RASGRP4: variants seen among roughly 807,000 people sequenced by gnomAD.
RASGRP4 encodes RAS guanyl-releasing protein 4.
RASGRP4 carries 52 observed loss-of-function variants against 84.4 expected under a neutral mutation model. The observed-to-expected ratio is 0.62, with a 90% CI of 0.49 to 0.78. RASGRP4 has a LOEUF of 0.78. Ranked by LOEUF, RASGRP4 falls within the 30% of genes least tolerant of loss-of-function variation. The probability of loss-of-function intolerance (pLI) is 0.00; values close to 1 mark genes in which losing one functional copy is unlikely to be tolerated. For missense variants in RASGRP4, 760 were observed against 886.9 expected (o/e 0.86, Z 1.82); for synonymous variants, 356 against 359.1 (o/e 0.99, Z 0.10).
Position 38,411,180 on chromosome 19 carries a change from G to T in RASGRP4, c.1787C>A (p.Ala596Asp), listed in dbSNP as rs757406841. The stretch of plus-strand genomic sequence containing the variant: ...TCCGGGGGGTCCTGCATCGCCCTTG[G>T]CCCCTGGCCTCTTCTTACATTCTAC... ...VKVECKKRPG[A>D]KGDAGPPGAP... The change falls in exon 15 of 17, where the codon GCC becomes GAC. Residue 596 changes from alanine (A) to aspartate (D), a missense_variant. Physicochemically the swap from Ala to Asp is moderately radical, Grantham distance 126. Transcript: ENST00000615439. The T allele has an allele frequency of 6.2e-7, 1 of 1,613,910 alleles. No individual in the cohort carries two copies. The highest frequency in any genetic ancestry group is 1.1e-5 in the South Asian group (1 of 91,086).
chr19:38,419,678 C>T (rs1329269425), intron 6 of RASGRP4, among the ~76,000 whole-genome samples, 182 bp downstream of exon 6: 1 of 152,240 alleles, frequency 6.6e-6, no homozygotes. Context: ...AGGCGATCTG[C>T]CTGCCTTGGC....
Position 38,413,366 on chromosome 19 carries a change from G to T in RASGRP4, c.1311+28C>A. On this transcript the variant is annotated intron_variant, in intron 10 of 16. Transcript: ENST00000615439. The surrounding 1 kb of genome is among the most constrained non-coding windows in gnomAD (Gnocchi z 4.7). ...TAGGGGGGGTTCGAGGTAATTGGGG[G>T]AGTCCGAGGCCAGGGGTTGGGTCTC... The T allele has an allele frequency of 6.2e-7, 1 of 1,606,306 alleles. No individual in the cohort carries two copies. The highest frequency in any genetic ancestry group is 1.7e-5 in the Admixed American group (1 of 59,100).
chr19:38,411,421 AGGGAG>A (rs1416681709), intron 13 of RASGRP4, 40 bp from the exon 14 acceptor site: 1 of 1,497,212 alleles, frequency 6.7e-7, no homozygotes, highest in Non-Finnish European at 9.0e-7. Flanking sequence ...ATCCTAGGAG[AGGGAG>A]GGCTGTGGAT....
At chr19:38,421,699 G>A (rs866310461) in intron 2 of RASGRP4, among the ~76,000 whole-genome samples, 7 of 150,922 alleles carry the variant, frequency 4.6e-5, no homozygotes, top group African/African-American at 1.7e-4. Context: ...GTAACAGAGC[G>A]AGACTCTGTC....
At position 38,409,851 on chromosome 19, in the gene RASGRP4, A is replaced by G. The variant is rs2145185652; in HGVS notation, c.*189T>C. The G allele has an allele frequency of 1.8e-6, 1 of 549,910 alleles. No individual in the cohort carries two copies. The highest frequency in any genetic ancestry group is 3.3e-6 in the Non-Finnish European group (1 of 305,644). 34.1% of individuals were successfully genotyped at this position (549,910 alleles called of 1,614,324 possible). A position where few individuals can be genotyped will look rare whatever the true frequency, so the allele number is the denominator to read the frequency against. ...TGCAGGGAAAGGGAGCAGGATTAGC[A>G]TCCACCAGGATGCAAAAGAGGAAAG... On this transcript the variant is annotated 3_prime_UTR_variant, in exon 17 of 17. Transcript: ENST00000615439.
At position 38,411,099 on chromosome 19, in the gene RASGRP4, G is replaced by A. The variant is rs1269372223; in HGVS notation, c.1852+16C>T. ...CCCCAGGCCCCTTCCCAGCACCGGT[G>A]TGCTCTAGGTCTTACCACAGCTGGC... is the stretch of plus-strand genomic sequence containing the variant. On this transcript the variant is annotated intron_variant, in intron 15 of 16. Transcript: ENST00000615439. The A allele has an allele frequency of 4.3e-6, 7 of 1,610,930 alleles. No individual in the cohort carries two copies. The highest frequency in any genetic ancestry group is 2.2e-5 in the East Asian group (1 of 44,800).
chr19:38,409,990 C>G lies in RASGRP4; in HGVS notation c.*50G>C. 6.6e-7 allele frequency: 1 copy of G among 1,523,210 alleles called. No homozygotes were observed. 94.4% of individuals were successfully genotyped at this position (1,523,210 alleles called of 1,614,324 possible). On this transcript the variant is annotated 3_prime_UTR_variant, in exon 17 of 17. Transcript: ENST00000615439. The stretch of plus-strand genomic sequence containing the variant: ...CCTGCCAGAGTCTGACGGCAGGACT[C>G]AGGACTGACTGGGGGAAGGGAGTGA...
rs1208450550 is a variant in RASGRP4, at chr19:38,409,916, G to T, written c.*124C>A. On this transcript the variant is annotated 3_prime_UTR_variant, in exon 17 of 17. Transcript: ENST00000615439. ...AAAGATGACGGACGTACCACTAAAG[G>T]CAGTGTGGATGGGAAGGCGGATGCC... 3 of 654,868 alleles carry T rather than the reference G, an allele frequency of 4.6e-6. No individual in the cohort carries two copies. The highest frequency in any genetic ancestry group is 8.0e-6 in the Non-Finnish European group (3 of 373,918). 40.6% of individuals were successfully genotyped at this position (654,868 alleles called of 1,614,324 possible).
In RASGRP4 at chr19:38,421,698, C is replaced by T. The variant is rs190925626; in HGVS notation, c.208+271G>A. On this transcript the variant is annotated intron_variant, in intron 2 of 16. Coordinates refer to ENST00000615439, the MANE Select transcript of RASGRP4 (RefSeq NM_170604.3). The stretch of plus-strand genomic sequence containing the variant: ...CTGCACTCCAGCCTGGGTAACAGAG[C>T]GAGACTCTGTCTCAAAAGAAAAAGA... Among the ~76,000 whole-genome samples, 41 of 150,562 alleles carry T rather than the reference C, an allele frequency of 2.7e-4. 1 individual carries two copies. The highest frequency in any genetic ancestry group is 9.3e-4 in the African/African-American group (38 of 40,848).
At chr19:38,411,476 A>C in intron 13 of RASGRP4, 95 bp from the exon 14 acceptor site, 2 of 1,210,042 alleles carry the variant, frequency 1.7e-6, no homozygotes, top group Non-Finnish European at 2.3e-6. Context: ...GAAGCTACCC[A>C]GGTTTTGAAA....
rs1345181356 is a variant in RASGRP4, at chr19:38,426,138, C to T, written c.-47G>A. 8 of 1,293,922 alleles carry T rather than the reference C, an allele frequency of 6.2e-6. No individual in the cohort carries two copies. The highest frequency in any genetic ancestry group is 1.5e-5 in the African/African-American group (1 of 65,824). 80.2% of individuals were successfully genotyped at this position (1,293,922 alleles called of 1,614,324 possible). On this transcript the variant is annotated 5_prime_UTR_variant, in exon 1 of 17. Transcript: ENST00000615439. ...GGCCGGGGGTCTTGCAAGAGTAGGG[C>T]TCAGCTCCTCCCCTTGCCCAGGACT... is the stretch of plus-strand genomic sequence containing the variant.
chr19:38,410,905 G>C lies in RASGRP4; in HGVS notation c.1946C>G (p.Pro649Arg). ...HAWTQTESPHPSWETDTVPCP... is the reference protein window; with the variant it reads ...HAWTQTESPHRSWETDTVPCP... ...CCTCACCGTATCTGTTTCCCAGGAA[G>C]GGTGTGGGGATTCAGTCTGGGTCCA... Residue 649 changes from proline to arginine, a missense_variant, in exon 16 of 17, where the codon CCT (proline) becomes CGT (arginine). By Grantham distance (103) the Pro-to-Arg change is moderately radical (BLOSUM62 -2). Transcript: ENST00000615439. The C allele has an allele frequency of 6.2e-7, 1 of 1,600,246 alleles. No individual in the cohort carries two copies. The highest frequency in any genetic ancestry group is 8.5e-7 in the Non-Finnish European group (1 of 1,173,446).
chr19:38,415,736 A>G (rs1179913970), intron 8 of RASGRP4, among the ~76,000 whole-genome samples: 1 of 151,898 alleles, frequency 6.6e-6, no homozygotes, highest in Non-Finnish European at 1.5e-5. Flanking sequence ...GTACAGTGTC[A>G]TGATCACAGC....
chr19:38,410,086 G>C lies in RASGRP4; in HGVS notation c.1976C>G (p.Pro659Arg). The change falls in exon 17 of 17, where the codon CCG becomes CGG. Residue 659 changes from proline (P) to arginine (R), a missense_variant. Transcript: ENST00000615439. The part of the protein sequence containing the change: ...PSWETDTVPC[P>R]VMDPPSTASS... ...TGCAGTTGATGGTGGGTCCATCACC[G>C]GGCAGGGGACCTGGAAGGAGGAAGG... The C allele has an allele frequency of 6.2e-7, 1 of 1,611,532 alleles. No homozygotes were observed. Among genetic ancestry groups the C allele is most frequent in the East Asian group, 2.2e-5 (1 of 44,592 alleles).
Position 38,421,103 on chromosome 19 carries a change from C to T in RASGRP4, c.306G>A (p.Leu102=). 6.2e-7 allele frequency: 1 copy of T among 1,613,650 alleles called. No individual in the cohort carries two copies. Among genetic ancestry groups the T allele is most frequent in the Non-Finnish European group, 8.5e-7 (1 of 1,179,618 alleles). ...VLPSADLAAR[L]LTSYQKATGD... ...ACAGTCCTGGAGGATATGAGGTCAG[C>T]AGGCGGGCAGCCAGGTCGGCGGACG... Residue 102 remains leucine, a synonymous_variant, in exon 3 of 17, where the codon CTG becomes CTA. Coordinates refer to ENST00000615439, the MANE Select transcript of RASGRP4 (RefSeq NM_170604.3).
Position 38,418,037 on chromosome 19 carries a change from C to T in RASGRP4, c.837+354G>A, listed in dbSNP as rs558543736. Among the ~76,000 whole-genome samples the T allele has an allele frequency of 2.0e-4, 30 of 151,262 alleles. No homozygotes were observed. The highest frequency in any genetic ancestry group is 7.1e-4 in the African/African-American group (29 of 41,060). ...GAGCGATGCACAATCCCGAAGCGAC[C>T]GCTGGGGCCTGGGGACTGGGGATTG... is the stretch of plus-strand genomic sequence containing the variant. On this transcript the variant is annotated intron_variant, in intron 7 of 16. Coordinates refer to ENST00000615439, the MANE Select transcript of RASGRP4 (RefSeq NM_170604.3). The surrounding 1 kb of genome is among the most constrained non-coding windows in gnomAD (Gnocchi z 4.6).
intron 4 of RASGRP4, 85 bp downstream of exon 4, chr19:38,420,822 TG>T: frequency 7.2e-7 from 1 of 1,390,918 alleles, no homozygotes; most frequent in South Asian, 1.2e-5. Context: ...GGAACTGGCC[TG>T]GGGATTCTCT....
rs1034759224 is a variant in RASGRP4 at position 38,415,178 on chromosome 19, G to T, written c.955-55C>A. The stretch of plus-strand genomic sequence containing the variant: ...TTATCAGGACAGTCCCATCCCCTGA[G>T]CAGCCTCCTGTGTGGGCTCTAGGCC... On this transcript the variant is annotated intron_variant, in intron 8 of 16. Transcript: ENST00000615439. 1.6e-5 allele frequency: 24 copies of T among 1,478,424 alleles called. No homozygotes were observed. In the African/African-American group the frequency reaches 3.2e-4, roughly 20 times the overall value. 91.6% of individuals were successfully genotyped at this position (1,478,424 alleles called of 1,614,324 possible).
chr19:38,426,042 C>T (rs1400624707), intron 1 of RASGRP4, 27 bp downstream of exon 1: 12 of 1,365,520 alleles, frequency 8.8e-6, no homozygotes, highest in African/African-American at 1.5e-5. Context: ...AGGGTGCTGC[C>T]GGGCTCCCTG....
Sources: gnomAD v4.1 joint callset for allele counts (sites outside exome capture counted in the v4.1 genomes callset) on GRCh38, gnomAD v4.1.1 for gene constraint, Gnocchi (gnomAD v3.1) non-coding constraint, MANE v1.5 for transcripts, NCBI Gene and HGNC (gene_info 2026-07-23, HGNC 2026-07-21) for gene names.